Variants in FHL2 observed in about 807,000 individuals in gnomAD.
FHL2 encodes four and a half LIM domains 2.
In FHL2, 20 loss-of-function variants were observed where a neutral mutation model predicts 32.7. The observed-to-expected ratio is 0.61, with a 90% confidence interval of 0.43 to 0.89. FHL2 has a LOEUF of 0.89. Ranked by LOEUF, FHL2 falls within the 40% of genes least tolerant of loss-of-function variation. The pLI, the probability that FHL2 is intolerant of heterozygous loss-of-function variation, is 0.00. For synonymous variants in FHL2, 123 were observed against 128.1 expected (o/e 0.96, Z 0.27); for missense variants, 311 against 358.6 (o/e 0.87, Z 1.07).
intron 4 of FHL2, among the ~76,000 whole-genome samples, chr2:105,369,597 G>A (rs1461821074): frequency 6.6e-6 from 1 of 152,174 alleles, no homozygotes; most frequent in Non-Finnish European, 1.5e-5. Context: ...CAATTGTGGG[G>A]TGATGAATCC....
chr2:105,360,550 G>C (rs931057392), downstream of FHL2: 8 of 152,392 alleles, frequency 5.2e-5, no homozygotes, highest in African/African-American at 1.9e-4. Flanking sequence ...TAGAGACGGG[G>C]TTTCACCATG....
chr2:105,368,983 C>T (rs1484654079), intron 4 of FHL2, among the ~76,000 whole-genome samples: 3 of 152,184 alleles, frequency 2.0e-5, no homozygotes, highest in African/African-American at 4.8e-5. Context: ...TGTTTACATC[C>T]GCTTTTAAGC....
intron 1 of FHL2, among the ~76,000 whole-genome samples, chr2:105,418,519 A>T (rs1684001872): frequency 6.6e-6 from 1 of 152,200 alleles, no homozygotes; most frequent in Admixed American, 6.5e-5. Context: ...ACCAGGTACC[A>T]CTAATTATCC....
chr2:105,363,640 C>T (rs907390644), intron 5 of FHL2, among the ~76,000 whole-genome samples, 169 bp from the exon 6 acceptor site: 3 of 152,204 alleles, frequency 2.0e-5, no homozygotes, highest in Non-Finnish European at 1.5e-5. Flanking sequence ...CCTCACCACA[C>T]GCTTTCATTC....
chr2:105,383,021 G>A (rs1682011954), intron 3 of FHL2, among the ~76,000 whole-genome samples: 2 of 152,296 alleles, frequency 1.3e-5, no homozygotes, highest in Admixed American at 1.3e-4. Flanking sequence ...AAGTAGCTGG[G>A]ATTACAGGTG....
upstream of FHL2, chr2:105,399,255 TC>T: frequency 3.9e-6 from 6 of 1,535,558 alleles, no homozygotes; most frequent in Non-Finnish European, 5.2e-6. Context: ...CTTCGTGCCC[TC>T]CGGGTCTTGG....
At chr2:105,374,582 A>G (rs10187408) in intron 3 of FHL2, 107,723 of 151,882 alleles carry the variant, frequency 0.71, 38,632 homozygotes, top group African/African-American at 0.79. Flanking sequence ...AGCACACATG[A>G]GAGAGGCCCT....
rs1394642529 is a variant in FHL2, at chr2:105,376,190, A to G, written c.157-2457T>C. The G allele has an allele frequency of 3.9e-5, 6 of 152,222 alleles. No homozygotes were observed. The East Asian group carries it at 9.6e-4, about 24-fold the overall frequency. 9.4% of individuals were successfully genotyped at this position (152,222 alleles called of 1,614,324 possible). A position where few individuals can be genotyped will look rare whatever the true frequency, so the allele number is the denominator to read the frequency against. On this transcript the variant is annotated intron_variant, in intron 3 of 6. Coordinates refer to ENST00000530340, the MANE Select transcript of FHL2 (RefSeq NM_001318895.3). ...TTACTGAAGGTCAGAGAAGTTCCGT[A>G]ACTTGCCCAGTCACATACCTGGCAC... is the stretch of plus-strand genomic sequence containing the variant.
At position 105,361,313 on chromosome 2, in the gene FHL2, G is replaced by A. The variant is rs760538519; in HGVS notation, c.810C>T (p.Ile270=). 2 of 1,614,096 alleles carry A rather than the reference G, an allele frequency of 1.2e-6. No individual in the cohort carries two copies. The highest frequency in any genetic ancestry group is 1.7e-6 in the Non-Finnish European group (2 of 1,179,950). ...GRGFLTERDD[I]LCPDCGKDI is the part of the protein sequence containing the mutation. ...TGTCTTTCCCACAGTCGGGGCACAG[G>A]ATGTCGTCCCTCTCTGTGAGGAAGC... Residue 270 remains isoleucine, a synonymous_variant, in exon 7 of 7, where the codon ATC becomes ATT. Transcript: ENST00000530340.
intron 5 of FHL2, among the ~76,000 whole-genome samples, chr2:105,364,482 C>G (rs892955050): frequency 1.3e-5 from 2 of 152,320 alleles, no homozygotes; most frequent in Admixed American, 6.5e-5. Context: ...CTTAGAACAT[C>G]TGTGAGGTGA....
intron 1 of FHL2, among the ~76,000 whole-genome samples, chr2:105,428,402 C>A (rs1004667306): frequency 2.0e-5 from 3 of 152,216 alleles, no homozygotes. Context: ...TTCTTTTGTA[C>A]CCAAATAATT....
At chr2:105,425,936 G>A (rs551357283) in intron 1 of FHL2, among the ~76,000 whole-genome samples, 4 of 152,068 alleles carry the variant, frequency 2.6e-5, no homozygotes, top group African/African-American at 7.2e-5. Flanking sequence ...GCTGAGCGCC[G>A]GTCCCCTGGG....
At chr2:105,437,931 C>G in intron 1 of FHL2, among the ~76,000 whole-genome samples, 1 of 152,318 alleles carries the variant, frequency 6.6e-6, no homozygotes, top group South Asian at 2.1e-4. Context: ...AGTAATTTGT[C>G]TTTTCATCCC....
At chr2:105,430,761 G>A (rs1209442482) in intron 1 of FHL2, among the ~76,000 whole-genome samples, 1 of 152,204 alleles carries the variant, frequency 6.6e-6, no homozygotes, top group East Asian at 1.9e-4. Flanking sequence ...TTGTCTGAAA[G>A]GAGATCCTAA....
upstream of FHL2, among the ~76,000 whole-genome samples, chr2:105,403,460 C>T (rs1182676383): frequency 2.0e-5 from 3 of 152,174 alleles, no homozygotes; most frequent in Non-Finnish European, 4.4e-5. Context: ...TAACGTTTTC[C>T]CGTCTCTCCT....
At chr2:105,403,033 C>T (rs1683522361), upstream of FHL2, among the ~76,000 whole-genome samples, 1 of 152,218 alleles carries the variant, frequency 6.6e-6, no homozygotes, top group Non-Finnish European at 1.5e-5. Context: ...CCCTAACCCT[C>T]AGTTTGCTAG....
intron 1 of FHL2, among the ~76,000 whole-genome samples, chr2:105,414,076 T>C (rs1192755397): frequency 6.6e-6 from 1 of 152,190 alleles, no homozygotes; most frequent in Non-Finnish European, 1.5e-5. Flanking sequence ...CTAGAACCCC[T>C]CCTTGGCTTC....
chr2:105,435,851 A>G (rs1481350771), intron 1 of FHL2, among the ~76,000 whole-genome samples: 1 of 152,082 alleles, frequency 6.6e-6, no homozygotes, highest in Non-Finnish European at 1.5e-5. Flanking sequence ...AAACAAACAA[A>G]CAATAAAAAA....
chr2:105,382,709 T>C (rs1432706151), intron 3 of FHL2, among the ~76,000 whole-genome samples: 1 of 152,144 alleles, frequency 6.6e-6, no homozygotes, highest in Non-Finnish European at 1.5e-5. Context: ...TTTTTCTCTT[T>C]GTAGCACCCT....
Sources: gnomAD v4.1 joint callset for allele counts (sites outside exome capture counted in the v4.1 genomes callset) on GRCh38, gnomAD v4.1.1 for gene constraint, MANE v1.5 for transcripts, NCBI Gene and HGNC (gene_info 2026-07-23, HGNC 2026-07-21) for gene names.